The following KHSRP variants were observed in gnomAD, a reference collection of about 807,000 sequenced individuals.
KHSRP encodes KH-type splicing regulatory protein.
Under a neutral mutation model 94.9 loss-of-function variants are expected in KHSRP, and 13 were observed. The ratio of observed to expected loss-of-function variants is 0.14; its 90% CI spans 0.09 to 0.22. The LOEUF (loss-of-function observed/expected upper bound fraction) is 0.22, where lower values mean the gene tolerates loss of function less well. Among genes scored for constraint, KHSRP ranks in the 10% least tolerant of loss-of-function variants. The probability of loss-of-function intolerance (pLI) is 1.00; values close to 1 mark genes in which losing one functional copy is unlikely to be tolerated. For missense variants in KHSRP, 710 were observed against 1,010.0 expected (o/e 0.70, Z 4.03); for synonymous variants, 495 against 401.4 (o/e 1.23, Z -2.79).
intron 5 of KHSRP, 122 bp downstream of exon 5, chr19:6,420,300 G>A (rs2092187490): frequency 5.2e-6 from 6 of 1,155,350 alleles, no homozygotes; most frequent in African/African-American, 3.1e-5. Context: ...GACGAAGGAG[G>A]GACAAATGAG....
Position 6,416,610 on chromosome 19 carries a change from G to C in KHSRP, c.1368C>G (p.Ala456=). ...GCAGCTGCCGGGAGATCTCTACGAAGGCTCCCGTCTGCTGGTTTATGGCTT... is the reference window on the plus strand; with the variant it reads ...GCAGCTGCCGGGAGATCTCTACGAACGCTCCCGTCTGCTGGTTTATGGCTT... ...NVKAINQQTG[A]FVEISRQLPP... The change falls in exon 14 of 19, where the codon GCC becomes GCG. Residue 456 remains alanine, a synonymous_variant. Coordinates refer to ENST00000600480, the MANE Select transcript of KHSRP (RefSeq NM_001366299.1). 6.2e-7 allele frequency: 1 copy of C among 1,613,926 alleles called. No individual in the cohort carries two copies.
At chr19:6,417,338 T>C (rs2092155445) in intron 11 of KHSRP, among the ~76,000 whole-genome samples, 1 of 152,160 alleles carries the variant, frequency 6.6e-6, no homozygotes, top group East Asian at 1.9e-4. Flanking sequence ...CTGAGAGATT[T>C]TACAGAACAA....
chr19:6,413,788 T>C lies in KHSRP; in HGVS notation c.*1236A>G, dbSNP rs1475157256. ...TTTAATATATATATATATAATTTTA[T>C]AAGTTCTGCTTTGCTCTTTGTGTTT... On this transcript the variant is annotated 3_prime_UTR_variant, in exon 19 of 19. Transcript: ENST00000600480. The C allele has an allele frequency of 6.4e-6, 1 of 156,452 alleles. No homozygotes were observed. Among genetic ancestry groups the C allele is most frequent in the Non-Finnish European group, 1.4e-5 (1 of 72,238 alleles). The allele number at this position is 156,452 out of a possible 1,614,324, so 9.7% of individuals were successfully genotyped here.
chr19:6,418,399 G>T lies in KHSRP; in HGVS notation c.879+84C>A. 1 of 955,394 alleles carries T rather than the reference G, an allele frequency of 1.0e-6. No homozygotes were observed. The allele number at this position is 955,394 out of a possible 1,614,324, so 59.2% of individuals were successfully genotyped here. A position where few individuals can be genotyped will look rare whatever the true frequency, so the allele number is the denominator to read the frequency against. On this transcript the variant is annotated intron_variant, in intron 9 of 18. Coordinates refer to ENST00000600480, the MANE Select transcript of KHSRP (RefSeq NM_001366299.1). This position sits in a 1 kb window ranked among gnomAD's most constrained non-coding sequence, Gnocchi z 4.3. ...CCGACTGTTCACATATCTCTCTGGC[G>T]GAATGCAGACCCCGAGACCGCTGGC... is the stretch of plus-strand genomic sequence containing the variant.
intron 12 of KHSRP, 46 bp from the exon 13 acceptor site, chr19:6,416,928 T>C (rs912218217): frequency 8.1e-6 from 13 of 1,612,982 alleles, no homozygotes; most frequent in Non-Finnish European, 1.0e-5. Flanking sequence ...TGGAAGCCGG[T>C]CTGGTCTTGC....
chr19:6,423,137 G>A (rs1302410217), intron 1 of KHSRP, among the ~76,000 whole-genome samples: 1 of 152,090 alleles, frequency 6.6e-6, no homozygotes, highest in Non-Finnish European at 1.5e-5. Flanking sequence ...AAATTAGCTG[G>A]GTGTGGTGGT....
chr19:6,417,143 G>C, intron 11 of KHSRP, 56 bp from the exon 12 acceptor site: 2 of 1,429,770 alleles, frequency 1.4e-6, no homozygotes, highest in East Asian at 2.3e-5. Context: ...GCCCACCCCA[G>C]AGCCCTGCAA....
rs1470094422 is a variant in KHSRP at position 6,424,750 on chromosome 19, C to T, written c.-49G>A. 2.5e-5 allele frequency: 20 copies of T among 812,896 alleles called. No homozygotes were observed. The highest frequency in any genetic ancestry group is 2.7e-5 in the Non-Finnish European group (18 of 658,942). The allele number at this position is 812,896 out of a possible 1,614,324, so 50.4% of individuals were successfully genotyped here. On this transcript the variant is annotated 5_prime_UTR_variant, in exon 1 of 19. Transcript: ENST00000600480. ...GCGGAGGCTGAAGCTGAGGAGGCGG[C>T]GGCGGCGGCGGCGGCTCAACGCGGG...
At chr19:6,419,088 G>A (rs901770958) in intron 7 of KHSRP, 115 bp downstream of exon 7, 8 of 1,182,164 alleles carry the variant, frequency 6.8e-6, no homozygotes, top group Admixed American at 2.4e-5. Context: ...GTCTGGAGAT[G>A]GGGGCAAGAA....
At position 6,418,574 on chromosome 19, in the gene KHSRP, G is replaced by A. The variant is rs1471206382; in HGVS notation, c.788C>T (p.Ala263Val). Residue 263 changes from alanine (A) to valine (V), a missense_variant, in exon 9 of 19, where the codon GCT (alanine) becomes GTT (valine). Around this residue, in one of 5 missense-constraint regions of KHSRP, gnomAD observed 288 missense variants for 501.1 expected, o/e 0.57. Transcript: ENST00000600480. The surrounding 1 kb of genome is among the most constrained non-coding windows in gnomAD (Gnocchi z 4.3). Reference protein sequence around the residue: ...GETIKQLQERAGVKMILIQDG... With the variant: ...GETIKQLQERVGVKMILIQDG... ...CTGAATTAAGATCATCTTCACTCCA[G>A]CGCGTTCCTTTACAAGCAAGGTTAA... 3 of 1,613,782 alleles carry A rather than the reference G, an allele frequency of 1.9e-6. No homozygotes were observed. The highest frequency in any genetic ancestry group is 2.5e-6 in the Non-Finnish European group (3 of 1,179,786).
rs181574041 is a variant in KHSRP at position 6,418,430 on chromosome 19, C to T, written c.879+53G>A. 6.6e-6 allele frequency: 9 copies of T among 1,354,334 alleles called. No individual in the cohort carries two copies. The East Asian group carries it at 1.9e-4, about 28-fold the overall frequency. 83.9% of individuals were successfully genotyped at this position (1,354,334 alleles called of 1,614,324 possible). A position where few individuals can be genotyped will look rare whatever the true frequency, so the allele number is the denominator to read the frequency against. On this transcript the variant is annotated intron_variant, in intron 9 of 18. Transcript: ENST00000600480. This position sits in a 1 kb window ranked among gnomAD's most constrained non-coding sequence, Gnocchi z 4.3. ...CAGACCCCGAGACCGCTGGCCCTGC[C>T]CACCTGCCCGTGCCTCTCCAGAACC...
intron 11 of KHSRP, among the ~76,000 whole-genome samples, chr19:6,417,292 G>C (rs541509176): frequency 3.1e-4 from 47 of 152,316 alleles, no homozygotes; most frequent in Non-Finnish European, 6.0e-4. Flanking sequence ...GCCAGGAGGT[G>C]GCTCAAGCTT....
chr19:6,418,636 G>A lies in KHSRP; in HGVS notation c.781-55C>T, dbSNP rs1191984845. 6 of 1,611,880 alleles carry A rather than the reference G, an allele frequency of 3.7e-6. No individual in the cohort carries two copies. The highest frequency in any genetic ancestry group is 5.1e-6 in the Non-Finnish European group (6 of 1,178,098). ...GGGCTCTCCCAGGACTTCCTGGGCT[G>A]CTGTGGTGGTGGCGGTGGGGTGTGG... On this transcript the variant is annotated intron_variant, in intron 8 of 18. Coordinates refer to ENST00000600480, the MANE Select transcript of KHSRP (RefSeq NM_001366299.1). The surrounding 1 kb of genome is among the most constrained non-coding windows in gnomAD (Gnocchi z 4.3).
At position 6,418,638 on chromosome 19, in the gene KHSRP, T is replaced by TGTG; in HGVS notation, c.781-60_781-58dup. 6.2e-7 allele frequency: 1 copy of TGTG among 1,612,928 alleles called. No homozygotes were observed. Among genetic ancestry groups the TGTG allele is most frequent in the South Asian group, 1.1e-5 (1 of 91,054 alleles). ...GCTCTCCCAGGACTTCCTGGGCTGC[T>TGTG]GTGGTGGTGGCGGTGGGGTGTGGCA... On this transcript the variant is annotated intron_variant, in intron 8 of 18. Transcript: ENST00000600480. This position sits in a 1 kb window ranked among gnomAD's most constrained non-coding sequence, Gnocchi z 4.3.
At position 6,418,971 on chromosome 19, in the gene KHSRP, G is replaced by T; in HGVS notation, c.606-95C>A. 7.6e-7 allele frequency: 1 copy of T among 1,322,466 alleles called. No individual in the cohort carries two copies. Among genetic ancestry groups the T allele is most frequent in the South Asian group, 1.5e-5 (1 of 65,096 alleles). The allele number at this position is 1,322,466 out of a possible 1,614,324, so 81.9% of individuals were successfully genotyped here. A position where few individuals can be genotyped will look rare whatever the true frequency, so the allele number is the denominator to read the frequency against. On this transcript the variant is annotated intron_variant, in intron 7 of 18. Transcript: ENST00000600480. This position sits in a 1 kb window ranked among gnomAD's most constrained non-coding sequence, Gnocchi z 4.3. Reference sequence around the variant, plus strand: ...CCAGCTCAAAGGGAAGGCGACCCCAGAGTGTGCAAGGATGACAGGGAAGAG... The same window carrying T: ...CCAGCTCAAAGGGAAGGCGACCCCATAGTGTGCAAGGATGACAGGGAAGAG...
intron 2 of KHSRP, 96 bp from the exon 3 acceptor site, chr19:6,421,784 C>T: frequency 1.4e-6 from 2 of 1,433,572 alleles, no homozygotes; most frequent in East Asian, 4.5e-5. Flanking sequence ...AACAGTGCCC[C>T]TCGGCCCCCA....
chr19:6,422,555 C>A, intron 1 of KHSRP, 119 bp from the exon 2 acceptor site: 5 of 700,756 alleles, frequency 7.1e-6, no homozygotes, highest in Non-Finnish European at 1.2e-5. Context: ...GGTGTCTGGC[C>A]CTCCAACTTA....
At chr19:6,416,112 A>G (rs2305058) in intron 15 of KHSRP, among the ~76,000 whole-genome samples, 186 bp downstream of exon 15, 93,759 of 152,134 alleles carry the variant, frequency 0.62, 30,942 homozygotes, top group African/African-American at 0.85. Context: ...GCACGTGCAC[A>G]GAGGGATGCT....
Position 6,414,733 on chromosome 19 carries a change from G to T in KHSRP, c.*291C>A. On this transcript the variant is annotated 3_prime_UTR_variant, in exon 19 of 19. Transcript: ENST00000600480. ...ACAAAAACCAAAAAAGTGATGCAGA[G>T]AAGGGGAAAAAATAGACGTTTTCTT... is the stretch of plus-strand genomic sequence containing the variant. The T allele has an allele frequency of 9.4e-7, 1 of 1,058,750 alleles. No individual in the cohort carries two copies. Among genetic ancestry groups the T allele is most frequent in the Non-Finnish European group, 1.1e-6 (1 of 877,834 alleles). 65.6% of individuals were successfully genotyped at this position (1,058,750 alleles called of 1,614,324 possible).
Sources: gnomAD v4.1 joint callset for allele counts (sites outside exome capture counted in the v4.1 genomes callset) on GRCh38, gnomAD v4.1.1 for gene constraint, gnomAD v4.1.1 regional missense constraint, Gnocchi (gnomAD v3.1) non-coding constraint, MANE v1.5 for transcripts, NCBI Gene and HGNC (gene_info 2026-07-23, HGNC 2026-07-21) for gene names.